The following STK3 variants were observed in gnomAD, a reference collection of about 807,000 sequenced individuals.
STK3 encodes the protein serine/threonine-protein kinase 3.
A neutral mutation model predicts 58.0 loss-of-function variants in STK3; 41 were observed. The observed-to-expected ratio is 0.71, with a 90% CI of 0.55 to 0.92. The LOEUF is 0.92. Among genes scored for constraint, STK3 ranks in the 40% least tolerant of loss-of-function variants. The pLI, the probability that STK3 is intolerant of heterozygous loss-of-function variation, is 0.00. For synonymous variants in STK3, 170 were observed against 191.0 expected (o/e 0.89, Z 0.91); for missense variants, 479 against 602.7 (o/e 0.79, Z 2.15).
At chr8:98,776,948 G>A (rs1831724854) in intron 1 of STK3, among the ~76,000 whole-genome samples, 1 of 151,950 alleles carries the variant, frequency 6.6e-6, no homozygotes, top group African/African-American at 2.4e-5. Flanking sequence ...TACTTGCGAG[G>A]CTGAGGCAGG....
the STK3 span, among the ~76,000 whole-genome samples, chr8:98,358,620 G>A: frequency 6.6e-6 from 1 of 152,126 alleles, no homozygotes; most frequent in African/African-American, 2.4e-5. Flanking sequence ...CAGGGACCCA[G>A]GGCAGGCTCA....
At chr8:98,704,721 G>A (rs1411514488) in intron 6 of STK3, among the ~76,000 whole-genome samples, 2 of 152,142 alleles carry the variant, frequency 1.3e-5, no homozygotes, top group African/African-American at 2.4e-5. Flanking sequence ...TAAAGGAAGA[G>A]GCCACATATT....
At chr8:98,676,685 A>T (rs78804742) in intron 6 of STK3, among the ~76,000 whole-genome samples, 2 of 152,304 alleles carry the variant, frequency 1.3e-5, no homozygotes, top group South Asian at 2.1e-4. Context: ...GTAAAAAAAA[A>T]TAAGTTCTGT....
intron 1 of STK3, among the ~76,000 whole-genome samples, chr8:98,821,902 C>T (rs982013280): frequency 6.6e-6 from 1 of 152,122 alleles, no homozygotes; most frequent in Admixed American, 6.5e-5. Flanking sequence ...TTGAACTGGG[C>T]TACACACTGG....
At chr8:98,634,261 CG>C (rs1380080514) in intron 6 of STK3, among the ~76,000 whole-genome samples, 2 of 152,044 alleles carry the variant, frequency 1.3e-5, no homozygotes, top group Non-Finnish European at 2.9e-5. Flanking sequence ...CCAAGGCAGG[CG>C]GATCACTTGA....
At chr8:98,545,532 G>A (rs951268443) in intron 9 of STK3, among the ~76,000 whole-genome samples, 2 of 152,140 alleles carry the variant, frequency 1.3e-5, no homozygotes, top group Admixed American at 6.5e-5. Context: ...CAAAGGGTCT[G>A]TGGGTAATTT....
chr8:98,449,913 C>A (rs551972119), downstream of STK3, among the ~76,000 whole-genome samples: 1 of 152,122 alleles, frequency 6.6e-6, no homozygotes, highest in African/African-American at 2.4e-5. Flanking sequence ...TTTGTTTCTC[C>A]GCCACACTGT....
intron 6 of STK3, chr8:98,598,263 A>T: frequency 1.0e-6 from 1 of 985,414 alleles, no homozygotes; most frequent in Non-Finnish European, 1.2e-6. Context: ...TAATCTTAAC[A>T]TATAAGGCTC....
intron 4 of STK3, among the ~76,000 whole-genome samples, chr8:98,716,549 C>G (rs987350474): frequency 6.6e-6 from 1 of 151,742 alleles, no homozygotes; most frequent in Non-Finnish European, 1.5e-5. Flanking sequence ...AAATAAAAAC[C>G]TATCATATCT....
chr8:98,589,418 G>C (rs1815029172), intron 7 of STK3, among the ~76,000 whole-genome samples: 1 of 152,230 alleles, frequency 6.6e-6, no homozygotes. Context: ...CCGGGGGTCA[G>C]GGGTCATGCA....
chr8:98,842,206 A>G (rs1240789615), intron 3 of STK3, among the ~76,000 whole-genome samples: 1 of 152,222 alleles, frequency 6.6e-6, no homozygotes, highest in Non-Finnish European at 1.5e-5. Flanking sequence ...ATTCTCCTTG[A>G]ATTAATATAT....
At chr8:98,713,373 T>C (rs988687751) in intron 4 of STK3, among the ~76,000 whole-genome samples, 2 of 151,500 alleles carry the variant, frequency 1.3e-5, no homozygotes, top group African/African-American at 4.9e-5. Flanking sequence ...AGCAACAAAA[T>C]AGACCGCTAG....
chr8:98,346,389 A>G, the STK3 span, among the ~76,000 whole-genome samples: 1 of 152,030 alleles, frequency 6.6e-6, no homozygotes, highest in Middle Eastern at 3.4e-3. Flanking sequence ...GGAGTAGGAG[A>G]CTTGAAAAAA....
chr8:98,537,353 T>C (rs1487879050), intron 9 of STK3, among the ~76,000 whole-genome samples: 2 of 152,180 alleles, frequency 1.3e-5, no homozygotes, highest in Non-Finnish European at 2.9e-5. Flanking sequence ...TAAAAGTTAA[T>C]GGGAGGGGGC....
intron 6 of STK3, among the ~76,000 whole-genome samples, chr8:98,611,342 TAAAA>T (rs958242292): frequency 1.3e-5 from 2 of 151,552 alleles, no homozygotes; most frequent in African/African-American, 4.8e-5. Flanking sequence ...AGTTTATAAT[TAAAA>T]AAAGACACAC....
At chr8:98,409,394 T>G (rs1417297749) in intron 3 of STK3, among the ~76,000 whole-genome samples, 1 of 152,226 alleles carries the variant, frequency 6.6e-6, no homozygotes, top group African/African-American at 2.4e-5. Context: ...GAGGAGCCCG[T>G]GAGGCACTGA....
chr8:98,711,594 A>T (rs1316995294), intron 4 of STK3, among the ~76,000 whole-genome samples: 1 of 152,200 alleles, frequency 6.6e-6, no homozygotes, highest in Admixed American at 6.5e-5. Flanking sequence ...AAAAAGAATA[A>T]AAAGAAATGA....
chr8:98,549,884 G>C (rs1433609921), intron 8 of STK3, among the ~76,000 whole-genome samples: 2 of 152,066 alleles, frequency 1.3e-5, no homozygotes, highest in Non-Finnish European at 2.9e-5. Flanking sequence ...TGGTGTGCCT[G>C]TAGTCCTAGC....
chr8:98,841,651 C>T (rs562282004), intron 3 of STK3, among the ~76,000 whole-genome samples: 74 of 123,710 alleles, frequency 6.0e-4, no homozygotes, highest in African/African-American at 2.2e-3. Flanking sequence ...CACTGCACCC[C>T]AGTCTGGGCA....
Sources: allele counts gnomAD v4.1 joint callset (sites outside exome capture counted in the v4.1 genomes callset), GRCh38; gene constraint gnomAD v4.1.1; transcripts MANE v1.5; gene names NCBI Gene and HGNC (gene_info 2026-07-23, HGNC 2026-07-21).